PRELID2: variants seen among roughly 807,000 people sequenced by gnomAD.
PRELID2 encodes the protein PRELI domain-containing protein 2.
In PRELID2, 25 loss-of-function variants were observed where a neutral mutation model predicts 28.4. The observed-to-expected ratio is 0.88, with a 90% confidence interval of 0.64 to 1.23. The LOEUF (loss-of-function observed/expected upper bound fraction) is 1.23, where lower values mean the gene tolerates loss of function less well. Among genes scored for constraint, PRELID2 ranks in the 50% most tolerant of loss-of-function variants. The pLI is 0.00. For missense variants in PRELID2, 201 were observed against 214.4 expected (o/e 0.94, Z 0.39); for synonymous variants, 76 against 71.6 (o/e 1.06, Z -0.31).
intron 1 of PRELID2, among the ~76,000 whole-genome samples, chr5:145,523,489 ATT>A (rs1261379360): frequency 1.3e-5 from 2 of 152,150 alleles, no homozygotes; most frequent in Non-Finnish European, 2.9e-5. Context: ...ACAAAAATTT[ATT>A]TCTCACAATC....
At chr5:145,776,773 G>A (rs1758435255) in intron 5 of PRELID2, among the ~76,000 whole-genome samples, 2 of 152,202 alleles carry the variant, frequency 1.3e-5, no homozygotes, top group Admixed American at 6.5e-5. Context: ...TACTATTTCA[G>A]TTGCTAACTA....
chr5:145,312,361 C>CA, the PRELID2 span, among the ~76,000 whole-genome samples: 2 of 151,896 alleles, frequency 1.3e-5, no homozygotes, highest in Non-Finnish European at 2.9e-5. Flanking sequence ...AAAAAACAAA[C>CA]AAAAAAATTT....
intron 1 of PRELID2, among the ~76,000 whole-genome samples, chr5:145,534,734 C>T (rs1752684923): frequency 6.6e-6 from 1 of 151,788 alleles, no homozygotes; most frequent in Non-Finnish European, 1.5e-5. Context: ...TTTCTGTGCT[C>T]ACAGTGTTGG....
chr5:145,818,846 G>A (rs1754557559), intron 3 of PRELID2, among the ~76,000 whole-genome samples: 1 of 152,170 alleles, frequency 6.6e-6, no homozygotes, highest in African/African-American at 2.4e-5. Flanking sequence ...GCCAAGCTGG[G>A]TTCCACATCT....
chr5:145,243,449 A>C, the PRELID2 span, among the ~76,000 whole-genome samples: 1 of 152,168 alleles, frequency 6.6e-6, no homozygotes, highest in South Asian at 2.1e-4. Flanking sequence ...GAAAAGGAAA[A>C]GGAGAGCAAA....
At chr5:145,679,486 T>C (rs185043973) in intron 1 of PRELID2, among the ~76,000 whole-genome samples, 1 of 151,998 alleles carries the variant, frequency 6.6e-6, no homozygotes, top group Non-Finnish European at 1.5e-5. Context: ...TTTCATAGAG[T>C]TCATCACTAT....
chr5:145,277,299 G>A, the PRELID2 span, among the ~76,000 whole-genome samples: 1 of 152,132 alleles, frequency 6.6e-6, no homozygotes, highest in Non-Finnish European at 1.5e-5. Context: ...ATCTTTTAAA[G>A]TCTGCATATC....
In PRELID2 at chr5:145,511,199, A is replaced by T. The variant is rs530837102; in HGVS notation, n.71-37884T>A. Reference sequence around the variant, plus strand: ...TAGGAACACAGGAAGCTATTTTTTCATCTGCTGTTTGTGATGTGATGATCT... The same window carrying T: ...TAGGAACACAGGAAGCTATTTTTTCTTCTGCTGTTTGTGATGTGATGATCT... On this transcript the variant is annotated intron_variant and non_coding_transcript_variant, in intron 1 of 2. Transcript: ENST00000510259. Among the ~76,000 whole-genome samples the T allele has an allele frequency of 3.3e-5, 5 of 152,322 alleles. No homozygotes were observed. The South Asian group carries it at 6.2e-4, about 19-fold the overall frequency.
chr5:145,243,303 A>G, the PRELID2 span, among the ~76,000 whole-genome samples: 1 of 152,088 alleles, frequency 6.6e-6, no homozygotes, highest in African/African-American at 2.4e-5. Context: ...TGCCAGCAGA[A>G]AACAGATTTC....
the PRELID2 span, among the ~76,000 whole-genome samples, chr5:145,459,042 G>C: frequency 6.6e-6 from 1 of 152,174 alleles, no homozygotes; most frequent in Non-Finnish European, 1.5e-5. Context: ...AATGCCATCA[G>C]CCACCTAGGG....
downstream of PRELID2, among the ~76,000 whole-genome samples, chr5:145,467,560 C>T (rs553250724): frequency 2.6e-5 from 4 of 152,254 alleles, no homozygotes; most frequent in African/African-American, 7.2e-5. Context: ...GTATCTACCA[C>T]GTATCAGAGA....
At chr5:145,748,553 A>T (rs897568260) in intron 1 of PRELID2, among the ~76,000 whole-genome samples, 1 of 152,186 alleles carries the variant, frequency 6.6e-6, no homozygotes, top group Non-Finnish European at 1.5e-5. Context: ...TACTGCCCCA[A>T]GTAATTTATA....
chr5:145,630,270 G>A (rs1275173734), intron 1 of PRELID2, among the ~76,000 whole-genome samples: 5 of 151,482 alleles, frequency 3.3e-5, no homozygotes, highest in African/African-American at 1.2e-4. Context: ...GGAGGACAAT[G>A]GAGCAATGAG....
At chr5:145,590,791 G>T (rs532000813) in intron 1 of PRELID2, among the ~76,000 whole-genome samples, 1 of 151,826 alleles carries the variant, frequency 6.6e-6, no homozygotes, top group Non-Finnish European at 1.5e-5. Context: ...GTCCCATCCC[G>T]AGGAAAACTC....
intron 1 of PRELID2, among the ~76,000 whole-genome samples, chr5:145,571,844 G>A (rs959349415): frequency 6.6e-6 from 1 of 152,012 alleles, no homozygotes; most frequent in South Asian, 2.1e-4. Flanking sequence ...AGCCACGCTT[G>A]GTGGCAGATG....
intron 1 of PRELID2, among the ~76,000 whole-genome samples, chr5:145,721,174 T>C (rs567164631): frequency 1.3e-5 from 2 of 152,232 alleles, no homozygotes; most frequent in South Asian, 4.1e-4. Context: ...AGCAATGATA[T>C]CATCACTTAC....
At chr5:145,395,898 C>T in the PRELID2 span, among the ~76,000 whole-genome samples, 5 of 152,226 alleles carry the variant, frequency 3.3e-5, no homozygotes, top group African/African-American at 1.2e-4. Context: ...CCTTCTGGTG[C>T]TGACATTCAA....
chr5:145,821,729 C>G (rs1262143199), intron 2 of PRELID2, among the ~76,000 whole-genome samples: 3 of 152,206 alleles, frequency 2.0e-5, no homozygotes, highest in Non-Finnish European at 4.4e-5. Context: ...TGCACACATA[C>G]TCGAAATGGA....
At chr5:145,282,433 T>C in the PRELID2 span, among the ~76,000 whole-genome samples, 1 of 152,186 alleles carries the variant, frequency 6.6e-6, no homozygotes, top group African/African-American at 2.4e-5. Context: ...TTAAATGGAA[T>C]CTTTTGTCTG....
Sources: gnomAD v4.1 joint callset for allele counts (sites outside exome capture counted in the v4.1 genomes callset) on GRCh38, gnomAD v4.1.1 for gene constraint, MANE v1.5 for transcripts, NCBI Gene and HGNC (gene_info 2026-07-23, HGNC 2026-07-21) for gene names.